The following ANKLE1 variants were observed in gnomAD, a reference collection of about 807,000 sequenced individuals.
ANKLE1 encodes the protein structure-specific endonuclease ANKLE1.
In ANKLE1, 59 loss-of-function variants were observed where a neutral mutation model predicts 56.2. The ratio of observed to expected loss-of-function variants is 1.05; its 90% CI spans 0.85 to 1.30. The LOEUF (loss-of-function observed/expected upper bound fraction) is 1.30, where lower values mean the gene tolerates loss of function less well. Among genes scored for constraint, ANKLE1 ranks in the 50% most tolerant of loss-of-function variants. ANKLE1 has a pLI of 0.00. For synonymous variants in ANKLE1, 341 were observed against 352.9 expected (o/e 0.97, Z 0.38); for missense variants, 771 against 816.1 (o/e 0.94, Z 0.67).
At chr19:17,282,518 G>C (rs1864115) in intron 2 of ANKLE1, 138 bp from the exon 3 acceptor site, 734,290 of 967,772 alleles carry the variant, frequency 0.76, 285,755 homozygotes, top group Non-Finnish European at 0.8. Context: ...TAGCATCTAG[G>C]TTCCAAGGGC....
chr19:17,282,431 T>A, intron 2 of ANKLE1: 1 of 844,532 alleles, frequency 1.2e-6, no homozygotes, highest in Non-Finnish European at 1.8e-6. Flanking sequence ...AGGACCAAAG[T>A]GGGGATCAAG....
At chr19:17,284,543 C>G (rs1435025350) in intron 6 of ANKLE1, among the ~76,000 whole-genome samples, 1 of 151,948 alleles carries the variant, frequency 6.6e-6, no homozygotes. Context: ...GCCACCACGC[C>G]CGACTAATTT....
intron 6 of ANKLE1, 41 bp downstream of exon 6, chr19:17,284,307 AT>A: frequency 6.3e-7 from 1 of 1,591,738 alleles, no homozygotes; most frequent in East Asian, 2.2e-5. Flanking sequence ...AAACTAGAAA[AT>A]TTGGGGATTG....
rs748303153 is a variant in ANKLE1 at position 17,286,492 on chromosome 19, T to G, written c.1788T>G (p.Leu596=). The stretch of plus-strand genomic sequence containing the variant: ...TGCACCTGCTGCACCGTGCCCTCCT[T>G]GTCTTCCTGGCTGAAGGCGAGCGAC... The part of the protein sequence containing the change: ...LGVHLLHRAL[L]VFLAEGERQL... Residue 596 remains leucine, a synonymous_variant, in exon 9 of 9, where the codon CTT becomes CTG. Transcript: ENST00000404085. 6.8e-6 allele frequency: 11 copies of G among 1,612,594 alleles called. No individual in the cohort carries two copies. Among genetic ancestry groups the G allele is most frequent in the Middle Eastern group, 1.6e-4 (1 of 6,064 alleles).
Position 17,285,421 on chromosome 19 carries a change from C to G in ANKLE1, c.1377-10C>G. The G allele has an allele frequency of 1.9e-6, 3 of 1,613,482 alleles. No individual in the cohort carries two copies. The highest frequency in any genetic ancestry group is 2.5e-6 in the Non-Finnish European group (3 of 1,179,876). ...CACTTTTCCCTGTCTGAGCTATCCC[C>G]TTCATCCAGGGAGACTCAGGACCTG... On this transcript the variant is annotated splice_polypyrimidine_tract_variant and intron_variant, in intron 6 of 8. Coordinates refer to ENST00000404085, the MANE Select transcript of ANKLE1 (RefSeq NM_152363.6).
At chr19:17,282,492 T>TC (rs889350553) in intron 2 of ANKLE1, 164 bp from the exon 3 acceptor site, 32 of 866,726 alleles carry the variant, frequency 3.7e-5, no homozygotes, top group Admixed American at 8.6e-5. Flanking sequence ...GAGGTTTGGG[T>TC]CCTGGCCTGA....
intron 8 of ANKLE1, 109 bp downstream of exon 8, chr19:17,285,928 G>A: frequency 6.9e-7 from 1 of 1,447,434 alleles, no homozygotes; most frequent in South Asian, 1.3e-5. Flanking sequence ...AGCAATTATT[G>A]AGCACCAACT....
chr19:17,286,188 A>G (rs931615435), intron 8 of ANKLE1, among the ~76,000 whole-genome samples, 192 bp from the exon 9 acceptor site: 1 of 151,974 alleles, frequency 6.6e-6, no homozygotes, highest in East Asian at 1.9e-4. Context: ...TAATTTTTGT[A>G]TTTTTTAGTA....
chr19:17,284,095 A>G lies in ANKLE1; in HGVS notation c.1205A>G (p.Glu402Gly). 5 of 1,613,476 alleles carry G rather than the reference A, an allele frequency of 3.1e-6. No homozygotes were observed. The highest frequency in any genetic ancestry group is 3.3e-5 in the Admixed American group (2 of 59,986). The change falls in exon 6 of 9, where the codon GAG becomes GGG. Residue 402 changes from glutamate (E) to glycine (G), a missense_variant. Transcript: ENST00000404085. ...LEEAQIAPGPEFSGHSLELAA... is the reference protein window; with the variant it reads ...LEEAQIAPGPGFSGHSLELAA... ...CATCTCCCTTGACTTCCAGGCCCAG[A>G]GTTTTCAGGGCACAGCCTAGAACTG...
Position 17,286,662 on chromosome 19 carries a change from G to T in ANKLE1, c.*110G>T, listed in dbSNP as rs1599516254. 1.3e-5 allele frequency: 9 copies of T among 690,730 alleles called. No homozygotes were observed. The highest frequency in any genetic ancestry group is 2.8e-5 in the Admixed American group (1 of 35,624). 42.8% of individuals were successfully genotyped at this position (690,730 alleles called of 1,614,324 possible). On this transcript the variant is annotated 3_prime_UTR_variant, in exon 9 of 9. Transcript: ENST00000404085. ...TTTCAGAAGGGGTGTGTGTGTGTGT[G>T]TGTGTGTGTGTGTGTGTGTGTGTGT...
chr19:17,284,540 C>T (rs4808615), intron 6 of ANKLE1, among the ~76,000 whole-genome samples: 116,621 of 151,922 alleles, frequency 0.77, 45,777 homozygotes, highest in Non-Finnish European at 0.81. Context: ...CCTGCCACCA[C>T]GCCCGACTAA....
intron 6 of ANKLE1, 60 bp downstream of exon 6, chr19:17,284,326 T>C: frequency 6.5e-7 from 1 of 1,545,418 alleles, no homozygotes. Context: ...TTGGTTTTTA[T>C]TTGCTGTGTG....
At position 17,282,734 on chromosome 19, in the gene ANKLE1, A is replaced by G; in HGVS notation, c.294A>G (p.Gln98=). The G allele has an allele frequency of 6.5e-7, 1 of 1,542,186 alleles. No individual in the cohort carries two copies. The highest frequency in any genetic ancestry group is 8.7e-7 in the Non-Finnish European group (1 of 1,150,410). The change falls in exon 3 of 9, where the codon CAA becomes CAG. Residue 98 remains glutamine, a synonymous_variant. Coordinates refer to ENST00000404085, the MANE Select transcript of ANKLE1 (RefSeq NM_152363.6). ...GCGGCCTGGAGCTGCTGCTGAGCCA[A>G]GGAGCGGACCCGGCGCTGCGCGACC... The part of the protein sequence containing the change: ...CRRGLELLLS[Q]GADPALRDQD...
chr19:17,282,172 G>A lies in ANKLE1; in HGVS notation c.178G>A (p.Gly60Arg). The A allele has an allele frequency of 6.5e-7, 1 of 1,530,858 alleles. No individual in the cohort carries two copies. Among genetic ancestry groups the A allele is most frequent in the Non-Finnish European group, 8.8e-7 (1 of 1,141,782 alleles). The allele number at this position is 1,530,858 out of a possible 1,614,324, so 94.8% of individuals were successfully genotyped here. ...GCACCCGCGCGGCCTGCGTTGCCTCGGGGCCCTACTGCGCCAAGGCGGGGA... is the reference window on the plus strand; with the variant it reads ...GCACCCGCGCGGCCTGCGTTGCCTCAGGGCCCTACTGCGCCAAGGCGGGGA... The part of the protein sequence containing the change: ...ARHPRGLRCL[G>R]ALLRQGGDPN... The change falls in exon 2 of 9, where the codon GGG (glycine) becomes AGG (arginine). Residue 60 changes from glycine to arginine, a missense_variant. Transcript: ENST00000404085.
In ANKLE1 at chr19:17,286,990, C is replaced by A; in HGVS notation, c.*438C>A. 1 of 207,134 alleles carries A rather than the reference C, an allele frequency of 4.8e-6. No homozygotes were observed. Among genetic ancestry groups the A allele is most frequent in the Non-Finnish European group, 8.7e-6 (1 of 114,970 alleles). The allele number at this position is 207,134 out of a possible 1,614,324, so 12.8% of individuals were successfully genotyped here. ...GTCACGGGATCAGGTAGGAGGTCAGCACAAGATAACGGGTCATAAAGAACC... is the reference window on the plus strand; with the variant it reads ...GTCACGGGATCAGGTAGGAGGTCAGAACAAGATAACGGGTCATAAAGAACC... On this transcript the variant is annotated 3_prime_UTR_variant, in exon 9 of 9. Transcript: ENST00000404085.
rs148124715 is a variant in ANKLE1, at chr19:17,282,929, G to A, written c.387G>A (p.Gln129=). Residue 129 remains glutamine, a synonymous_variant, in exon 4 of 9, where the codon CAG becomes CAA. Transcript: ENST00000404085. ...QGHLECARVL[Q]DLDTRTRTRT... ...ACCTGGAGTGCGCGCGAGTCCTGCA[G>A]GATCTCGACACGCGGACCAGGACCC... 1.3e-4 allele frequency: 209 copies of A among 1,572,324 alleles called. No homozygotes were observed. The East Asian group carries it at 4.8e-3, about 36-fold the overall frequency.
chr19:17,284,243 C>T lies in ANKLE1; in HGVS notation c.1353C>T (p.Phe451=). ...GGGAGGGGGTCGTGAAGTCTAGCTT[C>T]ACCTATCTGCTGCTGGACCCCAGGT... is the stretch of plus-strand genomic sequence containing the variant. The part of the protein sequence containing the change: ...RWREGVVKSS[F]TYLLLDPRET... Residue 451 remains phenylalanine (F), a synonymous_variant, in exon 6 of 9, where the codon TTC becomes TTT. Transcript: ENST00000404085. 3 of 1,613,798 alleles carry T rather than the reference C, an allele frequency of 1.9e-6. No homozygotes were observed. Among genetic ancestry groups the T allele is most frequent in the Non-Finnish European group, 2.5e-6 (3 of 1,179,858 alleles).
intron 8 of ANKLE1, 42 bp downstream of exon 8, chr19:17,285,861 T>C (rs1568342875): frequency 6.2e-7 from 1 of 1,607,448 alleles, no homozygotes; most frequent in South Asian, 1.1e-5. Context: ...ATGAAAGGCA[T>C]TTGGCTTCCC....
At chr19:17,286,077 C>T (rs891019) in intron 8 of ANKLE1, among the ~76,000 whole-genome samples, 116,863 of 152,108 alleles carry the variant, frequency 0.77, 45,904 homozygotes, top group Non-Finnish European at 0.81. Flanking sequence ...GGCGTGATCC[C>T]GACTCACTGC....
Sources: gnomAD v4.1 joint callset for allele counts (sites outside exome capture counted in the v4.1 genomes callset) on GRCh38, gnomAD v4.1.1 for gene constraint, MANE v1.5 for transcripts, NCBI Gene and HGNC (gene_info 2026-07-23, HGNC 2026-07-21) for gene names.